The following ZZEF1 variants were observed in gnomAD, a reference collection of about 807,000 sequenced individuals.
ZZEF1 encodes the protein zinc finger ZZ-type and EF-hand domain containing 1.
ZZEF1 carries 157 observed loss-of-function variants against 342.8 expected under a neutral mutation model. That is an observed-to-expected ratio of 0.46 (90% CI 0.40 to 0.52). The LOEUF (loss-of-function observed/expected upper bound fraction) is 0.52, where lower values mean the gene tolerates loss of function less well. ZZEF1 is among the 20% of genes least tolerant of loss of function. ZZEF1 has a pLI of 0.00. For synonymous variants in ZZEF1, 1,505 were observed against 1,429.1 expected (o/e 1.05, Z -1.20); for missense variants, 3,480 against 3,725.6 (o/e 0.93, Z 1.72).
intron 2 of ZZEF1, among the ~76,000 whole-genome samples, chr17:4,119,454 A>G (rs2058449079): frequency 6.6e-6 from 1 of 152,216 alleles, no homozygotes; most frequent in Admixed American, 6.5e-5. Context: ...CCACCGGAAC[A>G]GCTCTCACCC....
At chr17:4,082,870 C>A (rs143149460) in intron 16 of ZZEF1, among the ~76,000 whole-genome samples, 1 of 152,078 alleles carries the variant, frequency 6.6e-6, no homozygotes, top group Non-Finnish European at 1.5e-5. Context: ...CTGCCTTCCG[C>A]GTTCAAGCAA....
chr17:4,138,259 A>AGAT (rs1567876123), intron 1 of ZZEF1, among the ~76,000 whole-genome samples: 1 of 152,216 alleles, frequency 6.6e-6, no homozygotes, highest in African/African-American at 2.4e-5. Context: ...TTAAAAGGGC[A>AGAT]GATAATCACA....
At chr17:4,056,378 C>T (rs1483344843) in intron 32 of ZZEF1, 33 bp from the exon 33 acceptor site, 2 of 1,544,636 alleles carry the variant, frequency 1.3e-6, no homozygotes, top group African/African-American at 2.7e-5. Context: ...GAAAAGCATG[C>T]CTCTCCCAAT....
chr17:4,043,253 T>C (rs540698714), intron 38 of ZZEF1, among the ~76,000 whole-genome samples: 1 of 152,342 alleles, frequency 6.6e-6, no homozygotes, highest in African/African-American at 2.4e-5. Flanking sequence ...CCTAGAGGTG[T>C]TTCTGGAGCA....
Position 4,019,785 on chromosome 17 carries a change from G to A in ZZEF1, c.7405-16C>T. On this transcript the variant is annotated splice_polypyrimidine_tract_variant and intron_variant, in intron 45 of 54. Transcript: ENST00000381638. ...CATGAGCCATCTGGAGGCCAGGGGAGGACGCAGACAAGAACCATTAACAGT... is the reference window on the plus strand; with the variant it reads ...CATGAGCCATCTGGAGGCCAGGGGAAGACGCAGACAAGAACCATTAACAGT... 1.3e-6 allele frequency: 2 copies of A among 1,590,124 alleles called. No homozygotes were observed. The highest frequency in any genetic ancestry group is 2.3e-5 in the East Asian group (1 of 43,770).
chr17:4,076,917 A>T lies in ZZEF1; in HGVS notation c.3062T>A (p.Ile1021Lys). Reference sequence around the variant, plus strand: ...CACTGAGTTACATAATCTTTCTACTATGGTTTTTCCACTGTACTGTGAGAA... The same window carrying T: ...CACTGAGTTACATAATCTTTCTACTTTGGTTTTTCCACTGTACTGTGAGAA... Reference protein sequence around the residue: ...SLFSQYSGKTIVERLCNSVFS... With the variant: ...SLFSQYSGKTKVERLCNSVFS... The change falls in exon 20 of 55, where the codon ATA becomes AAA. Residue 1021 changes from isoleucine to lysine, a missense_variant. Physicochemically the swap from Ile to Lys is moderately radical, Grantham distance 102. Transcript: ENST00000381638. The T allele has an allele frequency of 6.2e-7, 1 of 1,614,150 alleles. No individual in the cohort carries two copies. The highest frequency in any genetic ancestry group is 8.5e-7 in the Non-Finnish European group (1 of 1,180,028).
In ZZEF1 at chr17:4,050,834, C is replaced by T. The variant is rs555362494; in HGVS notation, c.5810G>A (p.Ser1937Asn). Residue 1937 changes from serine (S) to asparagine (N), a missense_variant, in exon 36 of 55, where the codon AGC becomes AAC. Transcript: ENST00000381638. ...QTRSSATTLR[S>N]QCMQLVGDCL... Reference sequence around the variant, plus strand: ...GTCCCCGACGAGCTGCATGCACTGGCTCCGCAGGGTGGTGGCACTGCTGCG... The same window carrying T: ...GTCCCCGACGAGCTGCATGCACTGGTTCCGCAGGGTGGTGGCACTGCTGCG... 8.7e-6 allele frequency: 14 copies of T among 1,614,200 alleles called. No individual in the cohort carries two copies. Among genetic ancestry groups the T allele is most frequent in the Non-Finnish European group, 1.0e-5 (12 of 1,180,042 alleles).
At position 4,016,618 on chromosome 17, in the gene ZZEF1, C is replaced by T. The variant is rs1317198573; in HGVS notation, c.8002-152G>A. The T allele has an allele frequency of 2.7e-6, 2 of 752,630 alleles. No individual in the cohort carries two copies. The highest frequency in any genetic ancestry group is 3.1e-5 in the Admixed American group (1 of 32,732). The allele number at this position is 752,630 out of a possible 1,614,324, so 46.6% of individuals were successfully genotyped here. A position where few individuals can be genotyped will look rare whatever the true frequency, so the allele number is the denominator to read the frequency against. On this transcript the variant is annotated intron_variant, in intron 48 of 54. Coordinates refer to ENST00000381638, the MANE Select transcript of ZZEF1 (RefSeq NM_015113.4). The surrounding 1 kb of genome is among the most constrained non-coding windows in gnomAD (Gnocchi z 4.4). ...ACTCCACCACCCAAAACCAACTCCA[C>T]CAGCCACCTCTCACTTGACCAGGCT...
At chr17:4,113,559 G>A (rs1235473835) in intron 4 of ZZEF1, among the ~76,000 whole-genome samples, 2 of 152,166 alleles carry the variant, frequency 1.3e-5, no homozygotes, top group African/African-American at 2.4e-5. Flanking sequence ...CAGCCACCCA[G>A]GAGGCTGAGG....
rs190507683 is a variant in ZZEF1 at position 4,095,541 on chromosome 17, A to G, written c.1913+290T>C. Among the ~76,000 whole-genome samples the G allele has an allele frequency of 3.0e-4, 46 of 152,312 alleles. No individual in the cohort carries two copies. In the East Asian group the frequency reaches 8.1e-3, roughly 27 times the overall value. ...GGTTGGGGCAATGGCTAAAGACTGC[A>G]GGCTGTCCACAATTCAGGCATAGAT... On this transcript the variant is annotated intron_variant, in intron 11 of 54. Transcript: ENST00000381638.
Position 4,044,210 on chromosome 17 carries a change from CAAAT to C in ZZEF1, c.6166+10_6166+13del. The C allele has an allele frequency of 6.2e-7, 1 of 1,612,582 alleles. No individual in the cohort carries two copies. The highest frequency in any genetic ancestry group is 2.2e-5 in the East Asian group (1 of 44,882). On this transcript the variant is annotated intron_variant, in intron 38 of 54. Transcript: ENST00000381638. ...AGATGAAAGAGATGAAGATAATGGT[CAAAT>C]AGTCTTTACCTGGAAGTCCTGTAGG...
intron 1 of ZZEF1, among the ~76,000 whole-genome samples, chr17:4,134,833 A>G (rs2058723285): frequency 6.6e-6 from 1 of 152,124 alleles, no homozygotes; most frequent in African/African-American, 2.4e-5. Context: ...AATGGCCCAG[A>G]AAAAAACAAC....
At chr17:4,027,224 T>C (rs1435037544) in intron 42 of ZZEF1, among the ~76,000 whole-genome samples, 1 of 149,816 alleles carries the variant, frequency 6.7e-6, no homozygotes, top group Non-Finnish European at 1.5e-5. Flanking sequence ...TTTGTGATCC[T>C]GTCTTGCCTC....
In ZZEF1 at chr17:4,006,777, A is replaced by G; in HGVS notation, c.*113T>C. Reference sequence around the variant, plus strand: ...GCTTGGCATCCTAACTGGAGTGGTCAGCTCAAGGAGAGCTGGGCACTGGCG... The same window carrying G: ...GCTTGGCATCCTAACTGGAGTGGTCGGCTCAAGGAGAGCTGGGCACTGGCG... On this transcript the variant is annotated 3_prime_UTR_variant, in exon 55 of 55. Transcript: ENST00000381638. The G allele has an allele frequency of 8.7e-7, 1 of 1,153,178 alleles. No homozygotes were observed. Among genetic ancestry groups the G allele is most frequent in the Non-Finnish European group, 1.3e-6 (1 of 786,920 alleles). 71.4% of individuals were successfully genotyped at this position (1,153,178 alleles called of 1,614,324 possible).
chr17:4,006,828 T>G lies in ZZEF1; in HGVS notation c.*62A>C. ...CTACAGGAGTTTTCCTGAATGAGGT[T>G]AGATGTCTGCTCTAAAATCCCTGTG... is the stretch of plus-strand genomic sequence containing the variant. On this transcript the variant is annotated 3_prime_UTR_variant, in exon 55 of 55. Transcript: ENST00000381638. 1 of 1,518,936 alleles carries G rather than the reference T, an allele frequency of 6.6e-7. No homozygotes were observed. The highest frequency in any genetic ancestry group is 1.2e-5 in the South Asian group (1 of 83,414). The allele number at this position is 1,518,936 out of a possible 1,614,324, so 94.1% of individuals were successfully genotyped here.
At chr17:4,085,008 A>G (rs1312135544) in intron 16 of ZZEF1, among the ~76,000 whole-genome samples, 1 of 152,174 alleles carries the variant, frequency 6.6e-6, no homozygotes, top group Non-Finnish European at 1.5e-5. Context: ...GCTACTTGGG[A>G]GGCTGAGGTG....
intron 1 of ZZEF1, among the ~76,000 whole-genome samples, chr17:4,126,277 A>G (rs1485301249): frequency 6.7e-6 from 1 of 149,788 alleles, no homozygotes; most frequent in African/African-American, 2.4e-5. Context: ...AAATGCCTAC[A>G]CCCTATCCCT....
intron 16 of ZZEF1, among the ~76,000 whole-genome samples, chr17:4,085,076 C>T (rs1343831708): frequency 6.6e-6 from 1 of 152,136 alleles, no homozygotes; most frequent in Non-Finnish European, 1.5e-5. Flanking sequence ...TGCACCACTG[C>T]ACTCCAGCCT....
At chr17:4,115,201 T>A (rs548065888) in intron 3 of ZZEF1, among the ~76,000 whole-genome samples, 1 of 152,172 alleles carries the variant, frequency 6.6e-6, no homozygotes, top group South Asian at 2.1e-4. Flanking sequence ...TTTTTAAAAA[T>A]TTTTTGGAGA....
Sources: gnomAD v4.1 joint callset for allele counts (sites outside exome capture counted in the v4.1 genomes callset) on GRCh38, gnomAD v4.1.1 for gene constraint, Gnocchi (gnomAD v3.1) non-coding constraint, MANE v1.5 for transcripts, NCBI Gene and HGNC (gene_info 2026-07-23, HGNC 2026-07-21) for gene names.